Variants in MTFR1 observed in about 807,000 individuals in gnomAD.
MTFR1 encodes chondrocyte protein with a poly-proline region.
In MTFR1, 28 loss-of-function variants were observed where a neutral mutation model predicts 38.8. The observed-to-expected ratio is 0.72, with a 90% CI of 0.53 to 0.99. The LOEUF (loss-of-function observed/expected upper bound fraction) is 0.99. Among genes scored for constraint, MTFR1 ranks in the 50% least tolerant of loss-of-function variants. MTFR1 has a pLI of 0.00. For synonymous variants in MTFR1, 145 were observed against 137.0 expected, an observed-to-expected ratio of 1.06 and a Z score of -0.41; for missense variants, 358 against 395.5, an observed-to-expected ratio of 0.91 and a Z score of 0.81.
At chr8:65,649,474 G>A (rs1250548860) in intron 1 of MTFR1, among the ~76,000 whole-genome samples, 2 of 151,912 alleles carry the variant, frequency 1.3e-5, no homozygotes, top group Admixed American at 6.6e-5. Flanking sequence ...GTGAGCCACC[G>A]CGCCTGGCCC....
chr8:65,729,506 A>G (rs893473119), intron 3 of MTFR1, among the ~76,000 whole-genome samples: 2 of 151,768 alleles, frequency 1.3e-5, no homozygotes, highest in Admixed American at 6.6e-5. Context: ...CAGTTTAGTG[A>G]CATAAAATGT....
intron 3 of MTFR1, among the ~76,000 whole-genome samples, chr8:65,686,523 T>A (rs529999123): frequency 1.4e-5 from 2 of 140,520 alleles, no homozygotes; most frequent in East Asian, 4.1e-4. Context: ...GAGGTTGCAG[T>A]GAGCCGAGTT....
intron 3 of MTFR1, chr8:65,727,114 T>C: frequency 8.5e-7 from 1 of 1,172,012 alleles, no homozygotes; most frequent in Non-Finnish European, 1.3e-6. Context: ...CTTCAAAATA[T>C]GAAAGATTTT....
chr8:65,740,714 T>C (rs1807385797), intron 3 of MTFR1, among the ~76,000 whole-genome samples: 1 of 152,218 alleles, frequency 6.6e-6, no homozygotes, highest in South Asian at 2.1e-4. Context: ...TTTCCCTTTC[T>C]TTCAAAAGCC....
chr8:65,677,767 C>A (rs1804757067), intron 2 of MTFR1, among the ~76,000 whole-genome samples: 1 of 151,580 alleles, frequency 6.6e-6, no homozygotes, highest in Admixed American at 6.6e-5. Context: ...CCTGTAATCC[C>A]AGCACTTTGG....
intron 3 of MTFR1, among the ~76,000 whole-genome samples, chr8:65,752,909 G>A (rs560018366): frequency 5.0e-4 from 76 of 151,794 alleles, no homozygotes; most frequent in Middle Eastern, 6.8e-3. Flanking sequence ...CTATCTTGTC[G>A]CCTTCCAAAT....
chr8:65,688,245 C>T (rs1805157525), intron 3 of MTFR1, among the ~76,000 whole-genome samples: 1 of 151,086 alleles, frequency 6.6e-6, no homozygotes, highest in Admixed American at 6.6e-5. Context: ...ATTAAAAATA[C>T]AAAAATTAGC....
At chr8:65,726,283 C>A (rs1371481826) in intron 3 of MTFR1, among the ~76,000 whole-genome samples, 1 of 152,088 alleles carries the variant, frequency 6.6e-6, no homozygotes, top group African/African-American at 2.4e-5. Flanking sequence ...ATCGTGTTAG[C>A]CTTATTCACA....
At chr8:65,740,723 C>G (rs1807386083) in intron 3 of MTFR1, among the ~76,000 whole-genome samples, 1 of 152,152 alleles carries the variant, frequency 6.6e-6, no homozygotes, top group African/African-American at 2.4e-5. Flanking sequence ...CTTTCAAAAG[C>G]CAATCCATCC....
intron 1 of MTFR1, among the ~76,000 whole-genome samples, chr8:65,659,171 G>T (rs1032948933): frequency 1.4e-4 from 22 of 152,154 alleles, no homozygotes; most frequent in African/African-American, 4.8e-4. Flanking sequence ...GTTTAACAAG[G>T]ACCATTACCT....
intron 3 of MTFR1, among the ~76,000 whole-genome samples, chr8:65,732,021 C>G (rs1257144225): frequency 1.3e-5 from 2 of 151,746 alleles, no homozygotes; most frequent in East Asian, 3.9e-4. Context: ...TTATTTTAGA[C>G]TGAGTTTCAC....
At chr8:65,740,460 G>A (rs1462262242) in intron 3 of MTFR1, among the ~76,000 whole-genome samples, 1 of 151,980 alleles carries the variant, frequency 6.6e-6, no homozygotes, top group Admixed American at 6.6e-5. Context: ...GAGTACAATG[G>A]TGCGATCTTG....
chr8:65,715,505 G>A (rs74519415), downstream of MTFR1, among the ~76,000 whole-genome samples: 1 of 151,508 alleles, frequency 6.6e-6, no homozygotes, highest in Non-Finnish European at 1.5e-5. Flanking sequence ...AGCCTCCCGA[G>A]TAGCTGGGAT....
downstream of MTFR1, among the ~76,000 whole-genome samples, chr8:65,775,396 A>G (rs991692825): frequency 2.0e-5 from 3 of 152,212 alleles, no homozygotes; most frequent in Admixed American, 6.6e-5. Context: ...ATTTATGAAT[A>G]TAAGTATTTT....
chr8:65,692,928 CTCTG>C (rs1449773339), intron 3 of MTFR1, among the ~76,000 whole-genome samples: 1 of 146,472 alleles, frequency 6.8e-6, no homozygotes, highest in African/African-American at 2.5e-5. Flanking sequence ...CAGAGTCTTG[CTCTG>C]TCACCCAGGC....
chr8:65,703,547 C>T (rs1035247589), intron 4 of MTFR1, among the ~76,000 whole-genome samples: 1 of 142,316 alleles, frequency 7.0e-6, no homozygotes, highest in African/African-American at 2.6e-5. Context: ...GATTCTTGTA[C>T]CTCAGCCTCC....
chr8:65,738,052 G>A (rs2128899849), intron 3 of MTFR1, among the ~76,000 whole-genome samples: 1 of 152,102 alleles, frequency 6.6e-6, no homozygotes, highest in East Asian at 1.9e-4. Flanking sequence ...AAAATAAAGT[G>A]AATATTGCAA....
At chr8:65,764,222 G>A (rs939925350) in intron 3 of MTFR1, among the ~76,000 whole-genome samples, 5 of 152,122 alleles carry the variant, frequency 3.3e-5, no homozygotes, top group African/African-American at 7.2e-5. Context: ...CTGGGATATC[G>A]CCATAAACTA....
intron 4 of MTFR1, among the ~76,000 whole-genome samples, chr8:65,696,665 T>C (rs1805451003): frequency 6.6e-6 from 1 of 152,204 alleles, no homozygotes; most frequent in South Asian, 2.1e-4. Context: ...TGTAACTTTT[T>C]TTTTTATTTT....
Sources: allele counts gnomAD v4.1 joint callset (sites outside exome capture counted in the v4.1 genomes callset), GRCh38; gene constraint gnomAD v4.1.1; transcripts MANE v1.5; gene names NCBI Gene and HGNC (gene_info 2026-07-23, HGNC 2026-07-21).